IGFL2: variants seen among roughly 807,000 people sequenced by gnomAD.
IGFL2 encodes IGF like family member 2.
Under a neutral mutation model 13.9 loss-of-function variants are expected in IGFL2, and 7 were observed. The observed-to-expected ratio is 0.51, with a 90% confidence interval of 0.29 to 0.95. The LOEUF (loss-of-function observed/expected upper bound fraction) is 0.95, where lower values mean the gene tolerates loss of function less well. Among genes scored for constraint, IGFL2 ranks in the 40% least tolerant of loss-of-function variants. The probability of loss-of-function intolerance (pLI) is 0.08; values close to 1 mark genes in which losing one functional copy is unlikely to be tolerated. For synonymous variants in IGFL2, 55 were observed against 55.8 expected (o/e 0.99, Z 0.07); for missense variants, 138 against 147.8 (o/e 0.93, Z 0.34).
chr19:46,132,429 A>G, the IGFL2 span, among the ~76,000 whole-genome samples: 1 of 152,238 alleles, frequency 6.6e-6, no homozygotes, highest in Non-Finnish European at 1.5e-5. Context: ...AAGTGACACA[A>G]ACTTTGGTTC....
chr19:46,183,677 A>G, the IGFL2 span, among the ~76,000 whole-genome samples: 1 of 152,052 alleles, frequency 6.6e-6, no homozygotes, highest in Non-Finnish European at 1.5e-5. Flanking sequence ...CTGGGATTAC[A>G]GGTGCCTGAC....
chr19:46,119,197 GCT>G, the IGFL2 span, among the ~76,000 whole-genome samples: 3 of 152,134 alleles, frequency 2.0e-5, no homozygotes, highest in Middle Eastern at 3.2e-3. Context: ...GGTAGTCCAA[GCT>G]CTCCAGGGTA....
chr19:46,086,581 C>T, the IGFL2 span, among the ~76,000 whole-genome samples: 9 of 152,336 alleles, frequency 5.9e-5, no homozygotes, highest in African/African-American at 2.2e-4. Flanking sequence ...ACTTCGGCCT[C>T]CCAAAGTGCT....
the IGFL2 span, among the ~76,000 whole-genome samples, chr19:46,125,138 G>C: frequency 0.82 from 124,196 of 152,124 alleles, 51,583 homozygotes; most frequent in African/African-American, 0.91. Context: ...CAAGGGGACC[G>C]TTTATGAAGC....
At chr19:46,203,672 C>G in the IGFL2 span, 1 of 152,320 alleles carries the variant, frequency 6.6e-6, no homozygotes, top group Non-Finnish European at 1.5e-5. Context: ...GCCCAGTCCT[C>G]TCCCTCAGTG....
chr19:46,115,565 CA>C, the IGFL2 span, among the ~76,000 whole-genome samples: 1 of 152,004 alleles, frequency 6.6e-6, no homozygotes, highest in South Asian at 2.1e-4. Flanking sequence ...AGCTAACAGC[CA>C]ACCCCAGAAA....
upstream of IGFL2, among the ~76,000 whole-genome samples, chr19:46,145,510 C>T (rs1973076041): frequency 1.3e-5 from 2 of 151,932 alleles, no homozygotes; most frequent in African/African-American, 4.8e-5. Flanking sequence ...TCCAGTAACT[C>T]TTAGTTCCTT....
chr19:46,159,531 T>A (rs1226145763), intron 1 of IGFL2: 1 of 152,204 alleles, frequency 6.6e-6, no homozygotes, highest in Admixed American at 6.5e-5. Flanking sequence ...ACCCTTCCTC[T>A]TATTTTGCTC....
At chr19:46,176,014 T>TTA in the IGFL2 span, among the ~76,000 whole-genome samples, 2 of 127,080 alleles carry the variant, frequency 1.6e-5, no homozygotes, top group African/African-American at 6.2e-5. Context: ...GACTAATTTT[T>TTA]TTTTTTTTTT....
chr19:46,108,100 C>T, the IGFL2 span, among the ~76,000 whole-genome samples: 408 of 150,248 alleles, frequency 2.7e-3, 11 homozygotes, highest in East Asian at 0.06. Flanking sequence ...GAGTGGAGGC[C>T]GAGGAAGAAT....
the IGFL2 span, chr19:46,180,751 G>A: frequency 6.6e-6 from 1 of 152,202 alleles, no homozygotes; most frequent in Non-Finnish European, 1.5e-5. Context: ...AGCCCTGAGA[G>A]CACCTGGCAA....
At chr19:46,168,557 A>G in the IGFL2 span, among the ~76,000 whole-genome samples, 11 of 152,170 alleles carry the variant, frequency 7.2e-5, no homozygotes, top group Non-Finnish European at 4.4e-5. Context: ...ACCTGACACT[A>G]TAACCCACAC....
the IGFL2 span, among the ~76,000 whole-genome samples, chr19:46,187,924 A>G: frequency 5.4e-3 from 238 of 43,882 alleles, 6 homozygotes; most frequent in Non-Finnish European, 9.3e-3. Flanking sequence ...GCATTAACCC[A>G]TTTATACCTG....
chr19:46,199,676 C>T, the IGFL2 span, among the ~76,000 whole-genome samples: 2 of 152,216 alleles, frequency 1.3e-5, no homozygotes, highest in African/African-American at 2.4e-5. Context: ...CCTCGGGACA[C>T]AATCCTAATC....
the IGFL2 span, among the ~76,000 whole-genome samples, chr19:46,172,808 T>C: frequency 6.6e-6 from 1 of 152,158 alleles, no homozygotes; most frequent in Non-Finnish European, 1.5e-5. Flanking sequence ...ACCTTCACTT[T>C]CCAGGTTCAT....
the IGFL2 span, among the ~76,000 whole-genome samples, chr19:46,115,199 T>C: frequency 3.9e-5 from 6 of 152,198 alleles, no homozygotes; most frequent in African/African-American, 1.4e-4. Flanking sequence ...AAGGTCCTTT[T>C]GCCTACAGGA....
At chr19:46,208,459 T>G in the IGFL2 span, 1 of 152,172 alleles carries the variant, frequency 6.6e-6, no homozygotes, top group Non-Finnish European at 1.5e-5. Flanking sequence ...AGTTTCTCTT[T>G]AGCTCAAGGT....
the IGFL2 span, among the ~76,000 whole-genome samples, chr19:46,079,812 C>G: frequency 6.6e-6 from 1 of 152,112 alleles, no homozygotes; most frequent in South Asian, 2.1e-4. Context: ...GCCAAAAAAG[C>G]CTTCCCTCAA....
upstream of IGFL2, among the ~76,000 whole-genome samples, chr19:46,146,948 A>G (rs761091222): frequency 1.7e-4 from 26 of 152,200 alleles, no homozygotes; most frequent in Non-Finnish European, 2.9e-4. Context: ...GCGCATTCTA[A>G]TAATAGCCCA....
Sources: gnomAD v4.1 joint callset for allele counts (sites outside exome capture counted in the v4.1 genomes callset) on GRCh38, gnomAD v4.1.1 for gene constraint, MANE v1.5 for transcripts, NCBI Gene and HGNC (gene_info 2026-07-23, HGNC 2026-07-21) for gene names.